Variants in AVEN observed in about 807,000 individuals in gnomAD.
AVEN encodes cell death regulator Aven.
Under a neutral mutation model 38.1 loss-of-function variants are expected in AVEN, and 41 were observed. That is an observed-to-expected ratio of 1.08 (90% CI 0.84 to 1.40). AVEN has a LOEUF of 1.40. AVEN is among the 40% of genes most tolerant of loss of function. AVEN has a pLI of 0.00. For synonymous variants in AVEN, 206 were observed against 171.8 expected (o/e 1.20, Z -1.56); for missense variants, 605 against 438.8 (o/e 1.38, Z -3.38).
chr15:33,867,686 C>T lies in AVEN; in HGVS notation c.782G>A (p.Ser261Asn), dbSNP rs1890701754. 1.2e-6 allele frequency: 2 copies of T among 1,614,152 alleles called. No homozygotes were observed. Among genetic ancestry groups the T allele is most frequent in the Non-Finnish European group, 1.7e-6 (2 of 1,180,020 alleles). Residue 261 changes from serine (S) to asparagine (N), a missense_variant, in exon 5 of 6, where the codon AGC becomes AAC. Transcript: ENST00000306730. ...CTGAGAATCCCTTGAAGGACCCGGG[C>T]TTGGGTTGTCTTTGCCCAGCAACAC... Reference protein sequence around the residue: ...CPVLLGKDNPSPGPSRDSQKP... With the variant: ...CPVLLGKDNPNPGPSRDSQKP...
rs746508061 is a variant in AVEN, at chr15:33,866,734, G to C, written c.974-6C>G. On this transcript the variant is annotated splice_region_variant and splice_polypyrimidine_tract_variant and intron_variant, in intron 5 of 5. Transcript: ENST00000306730. ...CACAGATGGTTTTGCACAAACTGGG[G>C]GAAAAAAAACAATGTTAACACCCTC... 1 of 1,600,796 alleles carries C rather than the reference G, an allele frequency of 6.2e-7. No homozygotes were observed. The highest frequency in any genetic ancestry group is 2.2e-5 in the East Asian group (1 of 44,804).
intron 3 of AVEN, among the ~76,000 whole-genome samples, chr15:33,873,704 T>C (rs543443606): frequency 6.6e-6 from 1 of 151,964 alleles, no homozygotes; most frequent in South Asian, 2.1e-4. Context: ...ATGAATTCAG[T>C]TTCAGCCATG....
chr15:33,863,731 G>A (rs1307208171), downstream of AVEN, among the ~76,000 whole-genome samples: 1 of 152,154 alleles, frequency 6.6e-6, no homozygotes, highest in Non-Finnish European at 1.5e-5. Context: ...ATATTCTTGA[G>A]ACACACACAT....
At chr15:34,039,295 T>C (rs1393658628), upstream of AVEN, 8 of 142,610 alleles carry the variant, frequency 5.6e-5, no homozygotes, top group East Asian at 6.2e-4. Flanking sequence ...CTGGAAGTGG[T>C]GGGGGTCTGC....
intron 2 of AVEN, among the ~76,000 whole-genome samples, chr15:33,967,458 T>C (rs1275957348): frequency 2.6e-5 from 4 of 152,030 alleles, no homozygotes; most frequent in Non-Finnish European, 4.4e-5. Flanking sequence ...AAAGTACAAA[T>C]AGGTGAAATG....
intron 2 of AVEN, among the ~76,000 whole-genome samples, chr15:33,895,516 A>G (rs1455396372): frequency 1.3e-5 from 2 of 151,830 alleles, no homozygotes; most frequent in Non-Finnish European, 2.9e-5. Context: ...TGAAGAGATG[A>G]GGTCTCCCTA....
In AVEN at chr15:33,866,544, G is replaced by T; in HGVS notation, c.*69C>A. 2 of 1,195,828 alleles carry T rather than the reference G, an allele frequency of 1.7e-6. No individual in the cohort carries two copies. The highest frequency in any genetic ancestry group is 2.3e-5 in the East Asian group (1 of 42,750). The allele number at this position is 1,195,828 out of a possible 1,614,324, so 74.1% of individuals were successfully genotyped here. ...TGCTTGTAAACTGGCTGGTCCTGAA[G>T]GACAGCCTTATGCCCACCTGCCGTT... On this transcript the variant is annotated 3_prime_UTR_variant, in exon 6 of 6. Coordinates refer to ENST00000306730, the MANE Select transcript of AVEN (RefSeq NM_020371.3).
chr15:33,882,671 A>G (rs527999509), intron 2 of AVEN, among the ~76,000 whole-genome samples: 1 of 152,250 alleles, frequency 6.6e-6, no homozygotes, highest in East Asian at 1.9e-4. Flanking sequence ...ATTCAAGACA[A>G]GCCTGGGTAA....
intron 2 of AVEN, among the ~76,000 whole-genome samples, chr15:33,898,406 G>A (rs7497661): frequency 0.79 from 120,485 of 152,160 alleles, 52,344 homozygotes; most frequent in East Asian, 0.97. Flanking sequence ...CTGGAGGTTA[G>A]AAGTCTGAAA....
chr15:34,060,999 G>C (rs1008771664), intron 5 of AVEN, among the ~76,000 whole-genome samples: 84 of 150,186 alleles, frequency 5.6e-4, no homozygotes, highest in African/African-American at 2.0e-3. Context: ...TTGGGCAACA[G>C]AGCGAGACTC....
chr15:34,038,579 C>A (rs1449498690), intron 1 of AVEN, among the ~76,000 whole-genome samples: 1 of 150,988 alleles, frequency 6.6e-6, no homozygotes, highest in East Asian at 2.0e-4. Context: ...CAGGAGGCCA[C>A]GAGGGCCAAG....
chr15:33,865,095 T>A (rs1890037073), downstream of AVEN: 5 of 1,545,786 alleles, frequency 3.2e-6, no homozygotes, highest in Non-Finnish European at 3.6e-6. Flanking sequence ...TTTACTGTGG[T>A]TTAAAAATAA....
intron 2 of AVEN, among the ~76,000 whole-genome samples, chr15:33,998,268 T>A (rs2140604043): frequency 6.6e-6 from 1 of 152,232 alleles, no homozygotes; most frequent in Non-Finnish European, 1.5e-5. Context: ...CCCTTATGAT[T>A]TTTGTCCCCT....
At chr15:33,882,192 A>C (rs918912206) in intron 2 of AVEN, among the ~76,000 whole-genome samples, 1 of 152,206 alleles carries the variant, frequency 6.6e-6, no homozygotes, top group African/African-American at 2.4e-5. Context: ...CTGCTTAAAA[A>C]ACAATAAAAA....
At chr15:34,041,274 A>G (rs1217830780), upstream of AVEN, among the ~76,000 whole-genome samples, 9 of 152,224 alleles carry the variant, frequency 5.9e-5, no homozygotes, top group Non-Finnish European at 1.3e-4. Context: ...ACCCTGGATG[A>G]GAACCACTAG....
At chr15:33,878,373 G>C (rs1306835457) in intron 2 of AVEN, among the ~76,000 whole-genome samples, 2 of 152,150 alleles carry the variant, frequency 1.3e-5, no homozygotes, top group Non-Finnish European at 2.9e-5. Flanking sequence ...TGGAAACTTA[G>C]ATATCGTAAG....
At chr15:33,949,727 A>G (rs1489709237) in intron 2 of AVEN, among the ~76,000 whole-genome samples, 1 of 152,208 alleles carries the variant, frequency 6.6e-6, no homozygotes, top group African/African-American at 2.4e-5. Flanking sequence ...ATTTAATGAT[A>G]TGTAAATTAT....
At chr15:33,995,104 A>T (rs576691656) in intron 2 of AVEN, among the ~76,000 whole-genome samples, 1 of 152,228 alleles carries the variant, frequency 6.6e-6, no homozygotes, top group South Asian at 2.1e-4. Context: ...TCTACAAAAA[A>T]ATGAAGAAAT....
chr15:33,972,255 A>G (rs1895669569), intron 2 of AVEN: 1 of 152,108 alleles, frequency 6.6e-6, no homozygotes, highest in Non-Finnish European at 1.5e-5. Flanking sequence ...AGAGGCCCCT[A>G]GAGAACTGAG....
Sources: allele counts gnomAD v4.1 joint callset (sites outside exome capture counted in the v4.1 genomes callset), GRCh38; gene constraint gnomAD v4.1.1; transcripts MANE v1.5; gene names NCBI Gene and HGNC (gene_info 2026-07-23, HGNC 2026-07-21).